The following RAB3C variants were observed in gnomAD, a reference collection of about 807,000 sequenced individuals.
The protein encoded by RAB3C is ras-related protein Rab-3C.
RAB3C carries 17 observed loss-of-function variants against 26.4 expected under a neutral mutation model. The ratio of observed to expected loss-of-function variants is 0.64; its 90% CI spans 0.44 to 0.97. RAB3C has a LOEUF of 0.97. RAB3C is among the 50% of genes least tolerant of loss of function. The pLI is 0.00. For missense variants in RAB3C, 242 were observed against 281.9 expected (o/e 0.86, Z 1.01); for synonymous variants, 91 against 95.9 (o/e 0.95, Z 0.30).
chr5:58,632,298 C>A (rs1003897429), intron 2 of RAB3C, among the ~76,000 whole-genome samples: 1 of 152,176 alleles, frequency 6.6e-6, no homozygotes, highest in Admixed American at 6.5e-5. Flanking sequence ...TCTCTACAGA[C>A]CTCAAAGTGT....
intron 2 of RAB3C, among the ~76,000 whole-genome samples, chr5:58,631,745 C>T (rs1747187192): frequency 6.6e-6 from 1 of 152,036 alleles, no homozygotes; most frequent in South Asian, 2.1e-4. Context: ...TGGGGTTTTT[C>T]CTCTCTTCAA....
chr5:58,629,425 C>G (rs78305259), intron 2 of RAB3C, among the ~76,000 whole-genome samples: 1 of 152,144 alleles, frequency 6.6e-6, no homozygotes, highest in Non-Finnish European at 1.5e-5. Flanking sequence ...CAGTGTGCTA[C>G]GCAAAGTGCT....
At chr5:58,692,505 A>G (rs1748591261) in intron 2 of RAB3C, among the ~76,000 whole-genome samples, 1 of 152,118 alleles carries the variant, frequency 6.6e-6, no homozygotes, top group South Asian at 2.1e-4. Flanking sequence ...TTAAGTGGGA[A>G]AAACATTATG....
intron 3 of RAB3C, among the ~76,000 whole-genome samples, chr5:58,776,759 G>C (rs10069909): frequency 0.094 from 14,230 of 152,124 alleles, 841 homozygotes; most frequent in Non-Finnish European, 0.14. Flanking sequence ...GTCCCACAGG[G>C]GTTGGGGAGG....
In RAB3C at chr5:58,808,521, T is replaced by C. The variant is rs115835212; in HGVS notation, c.372-16517T>C. Among the ~76,000 whole-genome samples the C allele has an allele frequency of 5.4e-3, 825 of 152,312 alleles. 10 individuals carry two copies. The highest frequency in any genetic ancestry group is 0.019 in the African/African-American group (794 of 41,570). On this transcript the variant is annotated intron_variant, in intron 3 of 4. Coordinates refer to ENST00000282878, the MANE Select transcript of RAB3C (RefSeq NM_138453.4). ...TAGGTTGATCTGCTAAGTAAACCCA[T>C]TGGGCAAATCTTATGCAGGCAGGTA...
chr5:58,667,081 A>G (rs1233987504), intron 2 of RAB3C, among the ~76,000 whole-genome samples: 2 of 152,148 alleles, frequency 1.3e-5, no homozygotes, highest in African/African-American at 2.4e-5. Flanking sequence ...TTGCTTTCCC[A>G]ATGTCTTTTC....
intron 1 of RAB3C, among the ~76,000 whole-genome samples, chr5:58,606,124 C>T (rs1383955009): frequency 2.0e-5 from 3 of 152,144 alleles, no homozygotes; most frequent in African/African-American, 7.2e-5. Context: ...CACAAGGGGT[C>T]AGGGATTTCC....
At chr5:58,722,795 T>C (rs1268083657) in intron 2 of RAB3C, among the ~76,000 whole-genome samples, 2 of 151,882 alleles carry the variant, frequency 1.3e-5, no homozygotes, top group Non-Finnish European at 2.9e-5. Context: ...AATTTGTATA[T>C]TTGTCCCAAT....
At chr5:58,707,874 A>G (rs1245278510) in intron 2 of RAB3C, among the ~76,000 whole-genome samples, 1 of 152,088 alleles carries the variant, frequency 6.6e-6, no homozygotes, top group East Asian at 1.9e-4. Flanking sequence ...TCTGTGCTTT[A>G]CTAGGATTCA....
At chr5:58,738,794 C>G (rs915305021) in intron 3 of RAB3C, among the ~76,000 whole-genome samples, 2 of 152,188 alleles carry the variant, frequency 1.3e-5, no homozygotes, top group African/African-American at 4.8e-5. Context: ...CCTCGCAACT[C>G]TTAATATGCA....
chr5:58,612,528 A>ATG (rs1746731689), intron 1 of RAB3C, among the ~76,000 whole-genome samples: 1 of 55,312 alleles, frequency 1.8e-5, no homozygotes, highest in African/African-American at 6.7e-5. Flanking sequence ...GTGTATATAT[A>ATG]TATATATATA....
intron 3 of RAB3C, among the ~76,000 whole-genome samples, chr5:58,731,148 C>G (rs997281185): frequency 7.9e-5 from 12 of 152,190 alleles, no homozygotes; most frequent in Non-Finnish European, 1.6e-4. Context: ...ACCATATCAG[C>G]AAGCATGGAG....
chr5:58,819,070 A>C (rs888976373), intron 3 of RAB3C, among the ~76,000 whole-genome samples: 1 of 152,224 alleles, frequency 6.6e-6, no homozygotes, highest in Admixed American at 6.5e-5. Context: ...ATGATGAATT[A>C]AGCTGGATTT....
At chr5:58,671,448 T>C (rs1656478617) in intron 2 of RAB3C, among the ~76,000 whole-genome samples, 1 of 152,206 alleles carries the variant, frequency 6.6e-6, no homozygotes, top group Non-Finnish European at 1.5e-5. Context: ...TTGTTTCTAG[T>C]TAGGATTCTT....
intron 3 of RAB3C, among the ~76,000 whole-genome samples, chr5:58,765,481 G>T (rs1018830610): frequency 2.6e-5 from 4 of 152,158 alleles, no homozygotes; most frequent in African/African-American, 7.2e-5. Flanking sequence ...GTGTAAAGAG[G>T]AAAGTCCAAA....
chr5:58,630,783 GAC>G (rs1747171534), intron 2 of RAB3C, among the ~76,000 whole-genome samples: 1 of 152,206 alleles, frequency 6.6e-6, no homozygotes, highest in Non-Finnish European at 1.5e-5. Flanking sequence ...CACTGCTCTA[GAC>G]CATAGAAGGC....
At chr5:58,835,020 A>G (rs1237608937) in intron 4 of RAB3C, among the ~76,000 whole-genome samples, 4 of 152,172 alleles carry the variant, frequency 2.6e-5, no homozygotes, top group Admixed American at 2.0e-4. Context: ...TTCCCAGTGT[A>G]AGTATTAATA....
intron 3 of RAB3C, among the ~76,000 whole-genome samples, chr5:58,797,572 A>T (rs1386121593): frequency 6.6e-6 from 1 of 151,742 alleles, no homozygotes; most frequent in Non-Finnish European, 1.5e-5. Context: ...CTCCATAGAG[A>T]TAGAGAAGAG....
chr5:58,596,108 AC>A (rs888907973), intron 1 of RAB3C, among the ~76,000 whole-genome samples: 1 of 152,058 alleles, frequency 6.6e-6, no homozygotes, highest in Non-Finnish European at 1.5e-5. Flanking sequence ...GTGACCCACC[AC>A]CTAGCTGGCT....
Sources: allele counts gnomAD v4.1 joint callset (sites outside exome capture counted in the v4.1 genomes callset), GRCh38; gene constraint gnomAD v4.1.1; transcripts MANE v1.5; gene names NCBI Gene and HGNC (gene_info 2026-07-23, HGNC 2026-07-21).